The following C19orf12 variants were observed in gnomAD, a reference collection of about 807,000 sequenced individuals.
The protein encoded by C19orf12 is chromosome 19 open reading frame 12, also known as protein C19orf12.
In C19orf12, 2 loss-of-function variants were observed where a neutral mutation model predicts 3.8. The ratio of observed to expected loss-of-function variants is 0.53; its 90% CI spans 0.22 to 1.66. The LOEUF (loss-of-function observed/expected upper bound fraction) is 1.66. Ranked by LOEUF, C19orf12 falls within the 40% of genes most tolerant of loss-of-function variation. C19orf12 has a pLI of 0.20. For missense variants in C19orf12, 156 were observed against 188.8 expected (o/e 0.83, Z 1.02); for synonymous variants, 89 against 84.6 (o/e 1.05, Z -0.28).
intron 2 of C19orf12, among the ~76,000 whole-genome samples, chr19:29,706,784 T>C (rs1311436988): frequency 1.3e-5 from 2 of 152,178 alleles, no homozygotes; most frequent in Non-Finnish European, 2.9e-5. Flanking sequence ...CTTAACGAAA[T>C]GTCCTTGAAT....
Position 29,702,600 on chromosome 19 carries a change from T to C in C19orf12, c.*112A>G. 7.3e-7 allele frequency: 1 copy of C among 1,377,222 alleles called. No individual in the cohort carries two copies. Among genetic ancestry groups the C allele is most frequent in the Non-Finnish European group, 1.0e-6 (1 of 967,764 alleles). 85.3% of individuals were successfully genotyped at this position (1,377,222 alleles called of 1,614,324 possible). Reference sequence around the variant, plus strand: ...CGGGACATTACTAGTAATACACTGATGATGTGGAGATTCCCCAGGGGGCAT... The same window carrying C: ...CGGGACATTACTAGTAATACACTGACGATGTGGAGATTCCCCAGGGGGCAT... On this transcript the variant is annotated 3_prime_UTR_variant, in exon 3 of 3. Coordinates refer to ENST00000323670, the MANE Select transcript of C19orf12 (RefSeq NM_031448.6).
rs749583939 is a variant in C19orf12 at position 29,699,190 on chromosome 19, G to A, written c.*3522C>T. On this transcript the variant is annotated 3_prime_UTR_variant, in exon 3 of 3. Transcript: ENST00000323670. ...CGTTAGAAATATACATACATAGGCC[G>A]GGCGCAGTGGCTCACGCCTGTAATC... 3.5e-5 allele frequency: 16 copies of A among 453,936 alleles called. No individual in the cohort carries two copies. The highest frequency in any genetic ancestry group is 3.5e-4 in the East Asian group (5 of 14,388). 28.1% of individuals were successfully genotyped at this position (453,936 alleles called of 1,614,324 possible).
At chr19:29,714,517 C>G (rs540612929) in intron 1 of C19orf12, among the ~76,000 whole-genome samples, 1 of 152,142 alleles carries the variant, frequency 6.6e-6, no homozygotes, top group South Asian at 2.1e-4. Flanking sequence ...AACTACCTGC[C>G]ATCCCCAAAA....
At position 29,700,911 on chromosome 19, in the gene C19orf12, C is replaced by G; in HGVS notation, c.*1801G>C. 3 of 454,116 alleles carry G rather than the reference C, an allele frequency of 6.6e-6. No individual in the cohort carries two copies. The highest frequency in any genetic ancestry group is 4.7e-5 in the South Asian group (3 of 64,472). The allele number at this position is 454,116 out of a possible 1,614,324, so 28.1% of individuals were successfully genotyped here. On this transcript the variant is annotated 3_prime_UTR_variant, in exon 3 of 3. Transcript: ENST00000323670. ...CCAAGTCCCTGCCCTGCCCCAGGAC[C>G]TGGGGACCAAGGAATAACATTTTTT...
chr19:29,707,822 A>T (rs1972454747), intron 2 of C19orf12, among the ~76,000 whole-genome samples: 1 of 150,738 alleles, frequency 6.6e-6, no homozygotes, highest in Non-Finnish European at 1.5e-5. Flanking sequence ...GCATGGCACC[A>T]CTTGTACAAG....
At chr19:29,714,907 TTG>T in intron 1 of C19orf12, 1 of 619,516 alleles carries the variant, frequency 1.6e-6, no homozygotes, top group Non-Finnish European at 3.1e-6. Flanking sequence ...TGCTGCTTAC[TTG>T]TGTGACTTCA....
At chr19:29,714,413 G>A (rs1227202590) in intron 1 of C19orf12, among the ~76,000 whole-genome samples, 2 of 152,112 alleles carry the variant, frequency 1.3e-5, no homozygotes, top group Admixed American at 1.3e-4. Flanking sequence ...GGAATTGCTT[G>A]AACGAGGGAG....
chr19:29,714,215 T>C (rs1972839740), intron 1 of C19orf12, among the ~76,000 whole-genome samples: 1 of 151,896 alleles, frequency 6.6e-6, no homozygotes, highest in East Asian at 1.9e-4. Flanking sequence ...AATACAAAAA[T>C]TGGTCGGGGT....
intron 1 of C19orf12, among the ~76,000 whole-genome samples, chr19:29,712,827 C>T (rs993939667): frequency 6.6e-6 from 1 of 152,216 alleles, no homozygotes; most frequent in Admixed American, 6.5e-5. Flanking sequence ...AGACCCAGAA[C>T]TTCAGTGATA....
intron 1 of C19orf12, among the ~76,000 whole-genome samples, chr19:29,711,992 G>A (rs564105328): frequency 3.3e-5 from 5 of 152,268 alleles, no homozygotes; most frequent in South Asian, 2.1e-4. Context: ...CTAAGAAGTC[G>A]TTGCCCTTTC....
Position 29,713,989 on chromosome 19 carries a change from T to A in C19orf12, c.-11+1136A>T, listed in dbSNP as rs1339967622. 5.3e-5 allele frequency among the ~76,000 whole-genome samples: 8 copies of A among 151,964 alleles called. No individual in the cohort carries two copies. The East Asian group carries it at 1.6e-3, about 29-fold the overall frequency. On this transcript the variant is annotated intron_variant, in intron 1 of 2. Coordinates refer to ENST00000323670, the MANE Select transcript of C19orf12 (RefSeq NM_031448.6). ...TTCCTTCCTTCCTTTTCTCTTTCTC[T>A]TTCGTTCTCTCTCTCTCTCTTTCTC...
Position 29,702,847 on chromosome 19 carries a change from C to T in C19orf12, c.291G>A (p.Arg97=), listed in dbSNP as rs1462918561. ...RLFNEAAAII[R]HLEWTDAVQL... Reference sequence around the variant, plus strand: ...GCACGGCGTCCGTCCACTCCAGGTGCCTGATGATGGCTGCGGCTTCGTTAA... The same window carrying T: ...GCACGGCGTCCGTCCACTCCAGGTGTCTGATGATGGCTGCGGCTTCGTTAA... Residue 97 remains arginine (R), a synonymous_variant, in exon 3 of 3, where the codon AGG becomes AGA. Transcript: ENST00000323670. 2 of 1,614,068 alleles carry T rather than the reference C, an allele frequency of 1.2e-6. No homozygotes were observed. The highest frequency in any genetic ancestry group is 1.7e-6 in the Non-Finnish European group (2 of 1,180,030).
chr19:29,707,890 G>A (rs965106781), intron 2 of C19orf12, among the ~76,000 whole-genome samples: 11 of 124,806 alleles, frequency 8.8e-5, no homozygotes, highest in Non-Finnish European at 1.8e-4. Flanking sequence ...TTTTTTCTTT[G>A]AGATAGAGTC....
At chr19:29,711,139 A>C (rs1972654629) in intron 1 of C19orf12, among the ~76,000 whole-genome samples, 1 of 141,366 alleles carries the variant, frequency 7.1e-6, no homozygotes, top group African/African-American at 2.7e-5. Context: ...TCCCACGTTC[A>C]AGCGATTCTC....
In C19orf12 at chr19:29,701,155, A is replaced by G. The variant is rs116963085; in HGVS notation, c.*1557T>C. The G allele has an allele frequency of 5.8e-4, 265 of 454,130 alleles. 2 individuals are homozygous for G. In the East Asian group the frequency reaches 0.017, roughly 30 times the overall value. The allele number at this position is 454,130 out of a possible 1,614,324, so 28.1% of individuals were successfully genotyped here. A position where few individuals can be genotyped will look rare whatever the true frequency, so the allele number is the denominator to read the frequency against. On this transcript the variant is annotated 3_prime_UTR_variant, in exon 3 of 3. Transcript: ENST00000323670. Reference sequence around the variant, plus strand: ...AGATATTTTACACATAATATGTGGGAAAATGGCTTTTTAGAAAAACATTTA... The same window carrying G: ...AGATATTTTACACATAATATGTGGGGAAATGGCTTTTTAGAAAAACATTTA...
chr19:29,713,117 T>C (rs1972769480), intron 1 of C19orf12, among the ~76,000 whole-genome samples: 1 of 152,314 alleles, frequency 6.6e-6, no homozygotes. Context: ...GCTTCCTGAA[T>C]TCTCCAGGCT....
At chr19:29,713,659 T>C (rs932380843) in intron 1 of C19orf12, among the ~76,000 whole-genome samples, 8 of 152,224 alleles carry the variant, frequency 5.3e-5, no homozygotes, top group African/African-American at 1.9e-4. Context: ...CTCATAGTTG[T>C]TGTTTTTTTA....
intron 1 of C19orf12, among the ~76,000 whole-genome samples, chr19:29,712,495 A>G (rs1972733579): frequency 6.6e-6 from 1 of 152,092 alleles, no homozygotes; most frequent in Admixed American, 6.5e-5. Flanking sequence ...TCTACCTTGG[A>G]GTGTTCTTCC....
rs1318951469 is a variant in C19orf12 at position 29,702,577 on chromosome 19, G to A, written c.*135C>T. ...CTGCACAGCGGTGGCCTCTCCAGCGGGACATTACTAGTAATACACTGATGA... is the reference window on the plus strand; with the variant it reads ...CTGCACAGCGGTGGCCTCTCCAGCGAGACATTACTAGTAATACACTGATGA... On this transcript the variant is annotated 3_prime_UTR_variant, in exon 3 of 3. Coordinates refer to ENST00000323670, the MANE Select transcript of C19orf12 (RefSeq NM_031448.6). The A allele has an allele frequency of 8.2e-7, 1 of 1,215,660 alleles. No homozygotes were observed. The highest frequency in any genetic ancestry group is 1.2e-5 in the South Asian group (1 of 81,480). The allele number at this position is 1,215,660 out of a possible 1,614,324, so 75.3% of individuals were successfully genotyped here. A position where few individuals can be genotyped will look rare whatever the true frequency, so the allele number is the denominator to read the frequency against.
Sources: allele counts gnomAD v4.1 joint callset (sites outside exome capture counted in the v4.1 genomes callset), GRCh38; gene constraint gnomAD v4.1.1; transcripts MANE v1.5; gene names NCBI Gene and HGNC (gene_info 2026-07-23, HGNC 2026-07-21).